PLA2R1: variants seen among roughly 807,000 people sequenced by gnomAD.
The protein encoded by PLA2R1 is phospholipase A2 receptor 1, also known as secretory phospholipase A2 receptor.
PLA2R1 carries 158 observed loss-of-function variants against 195.9 expected under a neutral mutation model. The observed-to-expected ratio is 0.81, with a 90% CI of 0.71 to 0.92. The LOEUF is 0.92. Among genes scored for constraint, PLA2R1 ranks in the 40% least tolerant of loss-of-function variants. PLA2R1 has a pLI of 0.00. For missense variants in PLA2R1, 1,626 were observed against 1,764.6 expected (o/e 0.92, Z 1.41); for synonymous variants, 586 against 598.2 (o/e 0.98, Z 0.30).
chr2:159,954,546 C>T (rs898581159), intron 23 of PLA2R1, among the ~76,000 whole-genome samples: 3 of 151,542 alleles, frequency 2.0e-5, no homozygotes, highest in Admixed American at 1.3e-4. Context: ...ATATGCTAGG[C>T]TGCCCAGAGT....
In PLA2R1 at chr2:160,013,751, G is replaced by GTGTC. The variant is rs1486424551; in HGVS notation, c.1552-377_1552-376insGACA. Among the ~76,000 whole-genome samples, 329 of 129,682 alleles carry GTGTC rather than the reference G, an allele frequency of 2.5e-3. 5 individuals carry two copies. The East Asian group carries it at 0.031, about 12-fold the overall frequency. 85.1% of individuals were successfully genotyped at this position (129,682 alleles called of 152,430 possible). On this transcript the variant is annotated intron_variant, in intron 9 of 29. Coordinates refer to ENST00000283243, the MANE Select transcript of PLA2R1 (RefSeq NM_007366.5). Reference sequence around the variant, plus strand: ...TGTGTGTGTGTGTGTGTGTGTGTGTGTCTCTCTCTCTCTGACTTACAGAAT... The same window carrying GTGTC: ...TGTGTGTGTGTGTGTGTGTGTGTGTGTGTCTCTCTCTCTCTCTGACTTACAGAAT...
chr2:160,006,058 T>C (rs1691962287), intron 10 of PLA2R1, among the ~76,000 whole-genome samples: 1 of 152,190 alleles, frequency 6.6e-6, no homozygotes, highest in South Asian at 2.1e-4. Flanking sequence ...TGGGGCTTAA[T>C]TCTTGCACAG....
intron 11 of PLA2R1, among the ~76,000 whole-genome samples, chr2:159,994,599 T>C (rs1691078638): frequency 1.3e-5 from 2 of 152,106 alleles, no homozygotes; most frequent in Admixed American, 1.3e-4. Flanking sequence ...AATGCTGAAA[T>C]GTTTATGGAT....
chr2:160,024,748 C>T (rs1175646739), intron 6 of PLA2R1, among the ~76,000 whole-genome samples: 1 of 152,160 alleles, frequency 6.6e-6, no homozygotes, highest in African/African-American at 2.4e-5. Context: ...GACATCCTGC[C>T]CTCCAACACA....
At chr2:160,056,504 G>A (rs1695557942) in intron 1 of PLA2R1, among the ~76,000 whole-genome samples, 1 of 152,018 alleles carries the variant, frequency 6.6e-6, no homozygotes, top group Admixed American at 6.6e-5. Flanking sequence ...TCCAAAACTT[G>A]GATTTTGCAC....
intron 20 of PLA2R1, among the ~76,000 whole-genome samples, chr2:159,960,600 A>G (rs1308265791): frequency 6.6e-6 from 1 of 152,220 alleles, no homozygotes; most frequent in Non-Finnish European, 1.5e-5. Context: ...GAATAAAAAT[A>G]TGTAAGTAGA....
chr2:160,062,496 G>T lies in PLA2R1; in HGVS notation c.-93C>A. On this transcript the variant is annotated 5_prime_UTR_variant, in exon 1 of 30. Coordinates refer to ENST00000283243, the MANE Select transcript of PLA2R1 (RefSeq NM_007366.5). ...CGTCCCAAGCACCCGGCCCCGCCGC[G>T]CGGAAGCGGATCCGTAGCCTCCTCC... 7.0e-7 allele frequency: 1 copy of T among 1,426,512 alleles called. No homozygotes were observed. Among genetic ancestry groups the T allele is most frequent in the South Asian group, 1.5e-5 (1 of 66,860 alleles). The allele number at this position is 1,426,512 out of a possible 1,614,324, so 88.4% of individuals were successfully genotyped here.
intron 7 of PLA2R1, 60 bp from the exon 8 acceptor site, chr2:160,020,323 C>T: frequency 9.2e-7 from 1 of 1,086,280 alleles, no homozygotes; most frequent in Non-Finnish European, 1.4e-6. Flanking sequence ...GAGATAACAC[C>T]CTGGAGTTAT....
At chr2:159,987,078 TA>T in intron 12 of PLA2R1, 77 bp downstream of exon 12, 1 of 1,149,572 alleles carries the variant, frequency 8.7e-7, no homozygotes, top group Non-Finnish European at 1.3e-6. Context: ...GGCCCCGGAA[TA>T]AAGGAATTTG....
At chr2:160,032,914 A>G in intron 4 of PLA2R1, 45 bp downstream of exon 4, 1 of 1,288,260 alleles carries the variant, frequency 7.8e-7, no homozygotes, top group Non-Finnish European at 1.1e-6. Flanking sequence ...GTTAACAACC[A>G]TCTTTTATTG....
intron 10 of PLA2R1, among the ~76,000 whole-genome samples, chr2:160,012,772 C>T (rs542486510): frequency 2.2e-4 from 33 of 151,960 alleles, no homozygotes; most frequent in Admixed American, 3.9e-4. Context: ...ATTACCAGGG[C>T]GTGGTGGCAG....
rs1686695110 is a variant in PLA2R1, at chr2:159,933,962, G to A, written c.*7816C>T. 1 of 152,212 alleles carries A rather than the reference G, an allele frequency of 6.6e-6. No homozygotes were observed. The highest frequency in any genetic ancestry group is 6.5e-5 in the Admixed American group (1 of 15,288). The allele number at this position is 152,212 out of a possible 1,614,324, so 9.4% of individuals were successfully genotyped here. ...CACAGTATGTGAGTGAATGGGGATG[G>A]CAGCATCCCAATAACTTTATTTCCA... On this transcript the variant is annotated 3_prime_UTR_variant, in exon 30 of 30. Coordinates refer to ENST00000283243, the MANE Select transcript of PLA2R1 (RefSeq NM_007366.5).
In PLA2R1 at chr2:159,935,203, T is replaced by G. The variant is rs1457999228; in HGVS notation, c.*6575A>C. ...AACCTTGATCCCTTGATTAAAGAAG[T>G]TTCTCTACTGTAAAGTTATTACTTT... On this transcript the variant is annotated 3_prime_UTR_variant, in exon 30 of 30. Coordinates refer to ENST00000283243, the MANE Select transcript of PLA2R1 (RefSeq NM_007366.5). 6.6e-6 allele frequency: 1 copy of G among 152,240 alleles called. No individual in the cohort carries two copies. Among genetic ancestry groups the G allele is most frequent in the Non-Finnish European group, 1.5e-5 (1 of 68,036 alleles). The allele number at this position is 152,240 out of a possible 1,614,324, so 9.4% of individuals were successfully genotyped here. A position where few individuals can be genotyped will look rare whatever the true frequency, so the allele number is the denominator to read the frequency against.
intron 8 of PLA2R1, 27 bp from the exon 9 acceptor site, chr2:160,016,739 T>A: frequency 9.3e-7 from 1 of 1,074,044 alleles, no homozygotes; most frequent in South Asian, 1.3e-5. Flanking sequence ...TACAAGAGAA[T>A]GAATACACTC....
At chr2:159,951,834 G>C (rs1687765821) in intron 23 of PLA2R1, among the ~76,000 whole-genome samples, 1 of 152,126 alleles carries the variant, frequency 6.6e-6, no homozygotes, top group South Asian at 2.1e-4. Flanking sequence ...TCCCAGTTTT[G>C]ACCATCCTTT....
intron 1 of PLA2R1, among the ~76,000 whole-genome samples, chr2:160,057,613 C>T (rs1223519893): frequency 6.6e-6 from 1 of 152,214 alleles, no homozygotes; most frequent in African/African-American, 2.4e-5. Flanking sequence ...AGGCCAGTGC[C>T]TCCTCTGCAT....
chr2:160,034,169 C>A (rs1386273426), intron 3 of PLA2R1, among the ~76,000 whole-genome samples: 1 of 152,124 alleles, frequency 6.6e-6, no homozygotes, highest in Non-Finnish European at 1.5e-5. Flanking sequence ...ACAATAAAAT[C>A]TTTTTTGTTT....
At chr2:160,026,925 G>A (rs1693558493) in intron 6 of PLA2R1, among the ~76,000 whole-genome samples, 1 of 152,182 alleles carries the variant, frequency 6.6e-6, no homozygotes, top group African/African-American at 2.4e-5. Flanking sequence ...CCTCAGGTCA[G>A]GAGTTCGAGA....
intron 1 of PLA2R1, among the ~76,000 whole-genome samples, chr2:160,058,638 C>T (rs62175518): frequency 0.32 from 49,383 of 151,966 alleles, 9,986 homozygotes; most frequent in Non-Finnish European, 0.44. Context: ...TCTTTCTCCC[C>T]GCTGTCCACT....
Sources: gnomAD v4.1 joint callset for allele counts (sites outside exome capture counted in the v4.1 genomes callset) on GRCh38, gnomAD v4.1.1 for gene constraint, MANE v1.5 for transcripts, NCBI Gene and HGNC (gene_info 2026-07-23, HGNC 2026-07-21) for gene names.